Variants in GPT2 observed in about 807,000 individuals in gnomAD.
GPT2 encodes the protein glutamic--pyruvic transaminase 2.
A neutral mutation model predicts 56.9 loss-of-function variants in GPT2; 30 were observed. The ratio of observed to expected loss-of-function variants is 0.53; its 90% CI spans 0.39 to 0.72. The LOEUF is 0.72. GPT2 is among the 30% of genes least tolerant of loss of function. The pLI is 0.00. For missense variants in GPT2, 542 were observed against 703.4 expected (o/e 0.77, Z 2.60); for synonymous variants, 271 against 283.1 (o/e 0.96, Z 0.43).
chr16:46,924,924 C>T (rs1567344140), intron 10 of GPT2, among the ~76,000 whole-genome samples: 3 of 146,620 alleles, frequency 2.0e-5, no homozygotes, highest in Non-Finnish European at 3.0e-5. Context: ...CACCTAGGGC[C>T]TTTTTTTTTT....
intron 2 of GPT2, among the ~76,000 whole-genome samples, chr16:46,889,246 ATTTTTT>A (rs35803215): frequency 1.5e-4 from 14 of 94,946 alleles, no homozygotes; most frequent in East Asian, 1.0e-3. Context: ...CAGGCTGTTA[ATTTTTT>A]TTTTTTTTTT....
intron 8 of GPT2, among the ~76,000 whole-genome samples, 200 bp from the exon 9 acceptor site, chr16:46,922,042 G>A (rs1961296968): frequency 6.6e-6 from 1 of 152,134 alleles, no homozygotes; most frequent in Non-Finnish European, 1.5e-5. Context: ...CTGGGTGACA[G>A]AAAAAGATCC....
At chr16:46,885,022 C>T (rs984414789) in intron 2 of GPT2, 64 bp downstream of exon 2, 6 of 1,397,132 alleles carry the variant, frequency 4.3e-6, no homozygotes, top group Non-Finnish European at 2.8e-6. Flanking sequence ...CGCAGCAGCC[C>T]CAGCTGGGGT....
intron 5 of GPT2, 117 bp downstream of exon 5, chr16:46,907,092 C>T: frequency 7.6e-7 from 1 of 1,323,316 alleles, no homozygotes; most frequent in South Asian, 1.3e-5. Context: ...CGGGTGGCCA[C>T]CCTCTGGTCC....
intron 7 of GPT2, among the ~76,000 whole-genome samples, chr16:46,917,285 T>G (rs1424434775): frequency 6.6e-6 from 1 of 152,080 alleles, no homozygotes; most frequent in African/African-American, 2.4e-5. Flanking sequence ...AACCTCCAGA[T>G]AGAGAACCAA....
chr16:46,909,202 G>A (rs1960995069), intron 5 of GPT2, among the ~76,000 whole-genome samples: 1 of 152,138 alleles, frequency 6.6e-6, no homozygotes, highest in South Asian at 2.1e-4. Flanking sequence ...GATTACAGGA[G>A]CAGGGTCAGA....
At chr16:46,885,434 C>T (rs555053385) in intron 2 of GPT2, 24 of 972,822 alleles carry the variant, frequency 2.5e-5, no homozygotes, top group Admixed American at 2.5e-4. Context: ...GGTTCTGTTC[C>T]CCAGTCTCTT....
chr16:46,921,125 C>T (rs1961278077), intron 8 of GPT2, among the ~76,000 whole-genome samples: 2 of 152,178 alleles, frequency 1.3e-5, no homozygotes. Context: ...GAATCTTTGC[C>T]AGTTCCGTTC....
At chr16:46,921,057 T>C (rs1299587049) in intron 8 of GPT2, among the ~76,000 whole-genome samples, 1 of 152,236 alleles carries the variant, frequency 6.6e-6, no homozygotes, top group Non-Finnish European at 1.5e-5. Flanking sequence ...CAGACACTTT[T>C]CTGAGATGTT....
chr16:46,910,395 A>AC (rs1355347974), intron 6 of GPT2, among the ~76,000 whole-genome samples: 1 of 149,458 alleles, frequency 6.7e-6, no homozygotes, highest in East Asian at 2.0e-4. Flanking sequence ...AAAAAAAAAA[A>AC]AAAAAAAAAA....
chr16:46,891,356 C>T (rs1392374251), intron 2 of GPT2, among the ~76,000 whole-genome samples: 1 of 152,082 alleles, frequency 6.6e-6, no homozygotes, highest in Non-Finnish European at 1.5e-5. Context: ...GATTCTCTTG[C>T]CTCAGCTTCC....
At chr16:46,900,870 C>T in intron 4 of GPT2, 80 bp downstream of exon 4, 1 of 1,164,830 alleles carries the variant, frequency 8.6e-7, no homozygotes, top group Non-Finnish European at 1.3e-6. Flanking sequence ...GCGGAGGGTC[C>T]TGCATGCGAA....
chr16:46,894,982 T>C (rs1960659636), intron 2 of GPT2, among the ~76,000 whole-genome samples: 1 of 152,038 alleles, frequency 6.6e-6, no homozygotes, highest in African/African-American at 2.4e-5. Context: ...AGAATCCTTA[T>C]CCATGTTGGC....
intron 4 of GPT2, among the ~76,000 whole-genome samples, chr16:46,906,127 G>A (rs1960920061): frequency 6.6e-6 from 1 of 152,032 alleles, no homozygotes; most frequent in African/African-American, 2.4e-5. Flanking sequence ...AGGCTGGAGT[G>A]CAGTGGTGTC....
chr16:46,921,615 A>T (rs1282450576), intron 8 of GPT2, among the ~76,000 whole-genome samples: 1 of 152,208 alleles, frequency 6.6e-6, no homozygotes, highest in Non-Finnish European at 1.5e-5. Context: ...TTGCAGCCAC[A>T]CACCAGAGAA....
chr16:46,888,686 A>G (rs532211512), intron 2 of GPT2, among the ~76,000 whole-genome samples: 8 of 151,994 alleles, frequency 5.3e-5, no homozygotes, highest in South Asian at 2.1e-4. Context: ...GTCTCGCTCT[A>G]TTGCCTAGGC....
At chr16:46,903,260 A>T (rs1422856138) in intron 4 of GPT2, among the ~76,000 whole-genome samples, 1 of 152,040 alleles carries the variant, frequency 6.6e-6, no homozygotes, top group Admixed American at 6.6e-5. Flanking sequence ...CTCCAAAAGA[A>T]AAAAATATAT....
At chr16:46,894,886 C>T (rs1960656374) in intron 2 of GPT2, among the ~76,000 whole-genome samples, 1 of 152,064 alleles carries the variant, frequency 6.6e-6, no homozygotes, top group Admixed American at 6.6e-5. Flanking sequence ...AGGATGGTCT[C>T]GATCTGCTGA....
At chr16:46,903,729 C>A (rs1960865152) in intron 4 of GPT2, among the ~76,000 whole-genome samples, 1 of 152,160 alleles carries the variant, frequency 6.6e-6, no homozygotes, top group Non-Finnish European at 1.5e-5. Flanking sequence ...CCTTGTCAAG[C>A]CCCTCCCTGA....
Sources: allele counts gnomAD v4.1 joint callset (sites outside exome capture counted in the v4.1 genomes callset), GRCh38; gene constraint gnomAD v4.1.1; transcripts MANE v1.5; gene names NCBI Gene and HGNC (gene_info 2026-07-23, HGNC 2026-07-21).